GAP43: variants seen among roughly 807,000 people sequenced by gnomAD.
GAP43 encodes growth associated protein 43, also known as neuromodulin.
Under a neutral mutation model 18.6 loss-of-function variants are expected in GAP43, and 6 were observed. The ratio of observed to expected loss-of-function variants is 0.32; its 90% CI spans 0.18 to 0.64. The LOEUF (loss-of-function observed/expected upper bound fraction) is 0.64. GAP43 is among the 30% of genes least tolerant of loss of function. GAP43 has a pLI of 0.78. For synonymous variants in GAP43, 115 were observed against 111.4 expected, an observed-to-expected ratio of 1.03 and a Z score of -0.20; for missense variants, 292 against 295.5, an observed-to-expected ratio of 0.99 and a Z score of 0.09.
intron 2 of GAP43, among the ~76,000 whole-genome samples, chr3:115,718,517 C>T (rs1709538831): frequency 6.6e-6 from 1 of 152,058 alleles, no homozygotes; most frequent in Admixed American, 6.6e-5. Flanking sequence ...TAGTTTCATG[C>T]AAAACTTGGA....
chr3:115,679,957 A>G (rs1708940377), intron 2 of GAP43, among the ~76,000 whole-genome samples: 1 of 152,158 alleles, frequency 6.6e-6, no homozygotes, highest in Non-Finnish European at 1.5e-5. Flanking sequence ...AATGATCAAG[A>G]AAAGAGGGAG....
chr3:115,716,778 A>C (rs1277963988), intron 2 of GAP43, among the ~76,000 whole-genome samples: 1 of 128,534 alleles, frequency 7.8e-6, no homozygotes, highest in Non-Finnish European at 1.7e-5. Context: ...ACAGAGAGAG[A>C]GAGAGAGAGA....
At chr3:115,643,004 T>G (rs1393209832) in intron 1 of GAP43, among the ~76,000 whole-genome samples, 1 of 152,076 alleles carries the variant, frequency 6.6e-6, no homozygotes, top group Admixed American at 6.6e-5. Flanking sequence ...GCATGTCCTA[T>G]GCTCTCAACA....
chr3:115,711,173 T>G (rs1478242185), intron 2 of GAP43, among the ~76,000 whole-genome samples: 1 of 152,220 alleles, frequency 6.6e-6, no homozygotes, highest in Non-Finnish European at 1.5e-5. Context: ...TTTAGATTTC[T>G]GTGGTTATAC....
rs1172531778 is a variant in GAP43, at chr3:115,623,637, A to G, written c.-53A>G. The G allele has an allele frequency of 2.5e-6, 4 of 1,610,154 alleles. No homozygotes were observed. In the South Asian group the frequency reaches 3.3e-5, roughly 13 times the overall value. ...GAGGTGGAGAGGGGGGGAATAAGAA[A>G]GAGAGAGAAGGAAAGGAGAGAAGGC... On this transcript the variant is annotated 5_prime_UTR_variant, in exon 1 of 3. Coordinates refer to ENST00000305124, the MANE Select transcript of GAP43 (RefSeq NM_002045.4).
intron 1 of GAP43, 101 bp downstream of exon 1, chr3:115,623,820 G>C: frequency 8.2e-7 from 1 of 1,220,142 alleles, no homozygotes; most frequent in South Asian, 1.2e-5. Context: ...TGCTCTGGCC[G>C]TGGTGCTCGC....
intron 1 of GAP43, chr3:115,658,853 G>A (rs966601321): frequency 6.6e-6 from 1 of 152,380 alleles, no homozygotes; most frequent in Non-Finnish European, 1.5e-5. Flanking sequence ...AGGGCACCCA[G>A]GGGCGATGCG....
chr3:115,648,528 A>G (rs1031119862), intron 1 of GAP43, among the ~76,000 whole-genome samples: 7 of 152,186 alleles, frequency 4.6e-5, no homozygotes, highest in Admixed American at 6.5e-5. Context: ...AGAACTGATA[A>G]AAGGAAGAAC....
chr3:115,714,708 GT>G (rs5851973), intron 2 of GAP43, among the ~76,000 whole-genome samples: 145,530 of 147,050 alleles, frequency 0.99, 72,027 homozygotes, highest in South Asian at 1. Context: ...TTTGTTTATT[GT>G]TTTTTTTTTT....
intron 2 of GAP43, among the ~76,000 whole-genome samples, chr3:115,677,551 A>C (rs1708908959): frequency 6.6e-6 from 1 of 152,324 alleles, no homozygotes; most frequent in Admixed American, 6.5e-5. Context: ...ACACATCCAC[A>C]GTGGTAAAGG....
chr3:115,696,130 C>T (rs1709186143), intron 2 of GAP43, among the ~76,000 whole-genome samples: 1 of 152,008 alleles, frequency 6.6e-6, no homozygotes, highest in African/African-American at 2.4e-5. Flanking sequence ...CCGGACCTCT[C>T]TCCCCACTCC....
intron 1 of GAP43, among the ~76,000 whole-genome samples, chr3:115,629,913 C>T (rs1693064001): frequency 6.6e-6 from 1 of 152,134 alleles, no homozygotes; most frequent in South Asian, 2.1e-4. Flanking sequence ...ATCAGTGATT[C>T]TTGTTATTCA....
chr3:115,628,111 A>T (rs1708214228), intron 1 of GAP43, among the ~76,000 whole-genome samples: 1 of 152,050 alleles, frequency 6.6e-6, no homozygotes, highest in Non-Finnish European at 1.5e-5. Flanking sequence ...TTGCAATTTG[A>T]GGCTTGTCTT....
intron 1 of GAP43, among the ~76,000 whole-genome samples, chr3:115,656,909 C>T (rs535154867): frequency 1.3e-5 from 2 of 152,160 alleles, no homozygotes; most frequent in South Asian, 4.2e-4. Context: ...TGTAATAGAA[C>T]CATTTCCTCA....
intron 1 of GAP43, among the ~76,000 whole-genome samples, chr3:115,626,735 G>A (rs1226840841): frequency 6.6e-6 from 1 of 152,128 alleles, no homozygotes; most frequent in Non-Finnish European, 1.5e-5. Flanking sequence ...AGAATTTCAT[G>A]CAAGCAAGTA....
chr3:115,671,753 A>T (rs1210298698), intron 1 of GAP43, among the ~76,000 whole-genome samples: 2 of 152,206 alleles, frequency 1.3e-5, no homozygotes, highest in Non-Finnish European at 2.9e-5. Flanking sequence ...TTAAAAACTA[A>T]ATCTATCTTT....
At chr3:115,693,428 G>A (rs1709140293) in intron 2 of GAP43, among the ~76,000 whole-genome samples, 1 of 151,986 alleles carries the variant, frequency 6.6e-6, no homozygotes, top group Non-Finnish European at 1.5e-5. Flanking sequence ...TCTTGCTAGA[G>A]AACAATACAT....
intron 2 of GAP43, 34 bp from the exon 3 acceptor site, chr3:115,720,759 CT>C: frequency 1.4e-6 from 2 of 1,460,924 alleles, no homozygotes; most frequent in Non-Finnish European, 1.9e-6. Flanking sequence ...TAATTCTCTC[CT>C]TTTCCCCCCA....
intron 1 of GAP43, among the ~76,000 whole-genome samples, chr3:115,630,151 A>G (rs1200464456): frequency 2.0e-5 from 3 of 152,064 alleles, no homozygotes; most frequent in Admixed American, 6.6e-5. Flanking sequence ...TTGCTTCACA[A>G]CTCTTACAAA....
Sources: gnomAD v4.1 joint callset for allele counts (sites outside exome capture counted in the v4.1 genomes callset) on GRCh38, gnomAD v4.1.1 for gene constraint, MANE v1.5 for transcripts, NCBI Gene and HGNC (gene_info 2026-07-23, HGNC 2026-07-21) for gene names.